The following CDH12 variants were observed in gnomAD, a reference collection of about 807,000 sequenced individuals.
CDH12 encodes cadherin-12.
CDH12 carries 41 observed loss-of-function variants against 74.1 expected under a neutral mutation model. The ratio of observed to expected loss-of-function variants is 0.55; its 90% CI spans 0.43 to 0.72. The LOEUF (loss-of-function observed/expected upper bound fraction) is 0.72. CDH12 is among the 30% of genes least tolerant of loss of function. CDH12 has a pLI of 0.00. For missense variants in CDH12, 945 were observed against 977.2 expected (o/e 0.97, Z 0.44); for synonymous variants, 399 against 355.0 (o/e 1.12, Z -1.39).
intron 5 of CDH12, among the ~76,000 whole-genome samples, chr5:22,066,263 C>G (rs890840404): frequency 6.6e-6 from 1 of 151,940 alleles, no homozygotes; most frequent in South Asian, 2.1e-4. Flanking sequence ...CACTCATTAC[C>G]CCAGCACTAT....
chr5:22,137,286 G>T (rs183793771), intron 4 of CDH12, among the ~76,000 whole-genome samples: 121 of 152,126 alleles, frequency 8.0e-4, no homozygotes, highest in Non-Finnish European at 1.5e-3. Context: ...GACTGTGCAT[G>T]CCAGTTATAT....
At chr5:22,760,701 C>CA (rs1195139726) in intron 1 of CDH12, among the ~76,000 whole-genome samples, 30 of 95,418 alleles carry the variant, frequency 3.1e-4, no homozygotes, top group African/African-American at 8.2e-4. Context: ...AAAAAAAAAA[C>CA]AAAAAAAAAA....
intron 1 of CDH12, among the ~76,000 whole-genome samples, chr5:22,604,864 A>G (rs1255242024): frequency 3.9e-5 from 6 of 152,048 alleles, no homozygotes; most frequent in Admixed American, 3.9e-4. Flanking sequence ...AAATAATGAA[A>G]TACTCCCACA....
chr5:21,858,450 T>C, intron 6 of CDH12, among the ~76,000 whole-genome samples: 1 of 151,946 alleles, frequency 6.6e-6, no homozygotes, highest in Non-Finnish European at 1.5e-5. Context: ...AGTATAATGT[T>C]TCACTTTTTA....
intron 2 of CDH12, among the ~76,000 whole-genome samples, chr5:22,476,256 A>C (rs2126614398): frequency 6.6e-6 from 1 of 152,182 alleles, no homozygotes; most frequent in South Asian, 2.1e-4. Flanking sequence ...TACATATCTG[A>C]ATTTTTAAAA....
chr5:22,439,110 A>G (rs1016056697), intron 2 of CDH12, among the ~76,000 whole-genome samples: 1 of 151,870 alleles, frequency 6.6e-6, no homozygotes, highest in African/African-American at 2.4e-5. Flanking sequence ...AACAAAGGGA[A>G]ATAATACAAA....
intron 3 of CDH12, among the ~76,000 whole-genome samples, chr5:22,281,344 T>C (rs1188844546): frequency 6.6e-6 from 1 of 152,148 alleles, no homozygotes; most frequent in Non-Finnish European, 1.5e-5. Flanking sequence ...TCACCACTCC[T>C]ATTAAACAAG....
chr5:22,005,994 T>C (rs1344007493), intron 5 of CDH12, among the ~76,000 whole-genome samples: 1 of 152,152 alleles, frequency 6.6e-6, no homozygotes, highest in Non-Finnish European at 1.5e-5. Context: ...CTATCCTCTT[T>C]CTACCAACTA....
chr5:22,292,388 G>T (rs1269870417), intron 3 of CDH12, among the ~76,000 whole-genome samples: 7 of 134,544 alleles, frequency 5.2e-5, no homozygotes, highest in Non-Finnish European at 9.3e-5. Flanking sequence ...AGCAAAAATA[G>T]ACAAATGGGA....
chr5:22,460,725 T>TTC (rs1219110205), intron 2 of CDH12, among the ~76,000 whole-genome samples: 1 of 144,684 alleles, frequency 6.9e-6, no homozygotes, highest in Non-Finnish European at 1.5e-5. Flanking sequence ...TTTTTTTTTT[T>TTC]TTTTTTTTTT....
At chr5:22,840,537 T>C (rs979106698) in intron 1 of CDH12, among the ~76,000 whole-genome samples, 1 of 149,970 alleles carries the variant, frequency 6.7e-6, no homozygotes. Context: ...ATATATAATA[T>C]GCTATGTTAT....
At chr5:22,521,207 G>A (rs1397378991) in intron 1 of CDH12, among the ~76,000 whole-genome samples, 2 of 151,762 alleles carry the variant, frequency 1.3e-5, no homozygotes, top group Admixed American at 6.6e-5. Flanking sequence ...GCAATTGGAT[G>A]GGGTAAGCAT....
At chr5:22,626,653 C>A (rs1451290033) in intron 1 of CDH12, among the ~76,000 whole-genome samples, 3 of 152,110 alleles carry the variant, frequency 2.0e-5, no homozygotes, top group Non-Finnish European at 4.4e-5. Flanking sequence ...TAATAAAGAA[C>A]CAGCACAAGA....
chr5:22,613,708 T>C (rs187772198), intron 1 of CDH12, among the ~76,000 whole-genome samples: 3 of 152,214 alleles, frequency 2.0e-5, no homozygotes, highest in South Asian at 2.1e-4. Flanking sequence ...AAAATCTAAC[T>C]TGGCAAGGAA....
At chr5:21,799,097 T>A (rs1374572277) in intron 10 of CDH12, among the ~76,000 whole-genome samples, 1 of 152,146 alleles carries the variant, frequency 6.6e-6, no homozygotes, top group African/African-American at 2.4e-5. Flanking sequence ...TTGGTAGATA[T>A]ATGGACAGTA....
At chr5:22,542,713 GA>G (rs950036809) in intron 1 of CDH12, among the ~76,000 whole-genome samples, 4 of 152,042 alleles carry the variant, frequency 2.6e-5, no homozygotes, top group African/African-American at 9.7e-5. Flanking sequence ...TGTAAGATGT[GA>G]AAAAAATTCT....
chr5:22,615,837 G>T (rs969476425), intron 1 of CDH12, among the ~76,000 whole-genome samples: 19 of 152,224 alleles, frequency 1.2e-4, no homozygotes, highest in African/African-American at 3.6e-4. Context: ...TGAATGGCAG[G>T]GTTGGGAATA....
At chr5:21,781,090 G>T (rs987150230) in intron 11 of CDH12, among the ~76,000 whole-genome samples, 12 of 152,150 alleles carry the variant, frequency 7.9e-5, no homozygotes, top group African/African-American at 2.9e-4. Flanking sequence ...GGGCAGATAT[G>T]AAAGAAGACG....
At chr5:22,408,985 C>T (rs1044091378) in intron 2 of CDH12, among the ~76,000 whole-genome samples, 7 of 151,944 alleles carry the variant, frequency 4.6e-5, no homozygotes, top group African/African-American at 1.4e-4. Context: ...AGTATTAAAC[C>T]ATATGCTGTA....
Sources: allele counts gnomAD v4.1 joint callset (sites outside exome capture counted in the v4.1 genomes callset), GRCh38; gene constraint gnomAD v4.1.1; transcripts MANE v1.5; gene names NCBI Gene and HGNC (gene_info 2026-07-23, HGNC 2026-07-21).